The following LSAMP variants were observed in gnomAD, a reference collection of about 807,000 sequenced individuals.
LSAMP encodes limbic system associated membrane protein, also known as limbic system-associated membrane protein.
LSAMP carries 7 observed loss-of-function variants against 38.6 expected under a neutral mutation model. The ratio of observed to expected loss-of-function variants is 0.18; its 90% confidence interval spans 0.10 to 0.34. The LOEUF is 0.34. Ranked by LOEUF, LSAMP falls within the 10% of genes least tolerant of loss-of-function variation. The pLI, the probability that LSAMP is intolerant of heterozygous loss-of-function variation, is 1.00. For missense variants in LSAMP, 313 were observed against 420.0 expected (o/e 0.75, Z 2.23); for synonymous variants, 154 against 166.8 (o/e 0.92, Z 0.59).
chr3:115,912,168 T>C (rs1409630708), intron 3 of LSAMP, among the ~76,000 whole-genome samples: 1 of 152,304 alleles, frequency 6.6e-6, no homozygotes, highest in East Asian at 1.9e-4. Flanking sequence ...ATGAAGTCAA[T>C]TTATTGACTT....
chr3:116,354,931 AC>A (rs1383001237), intron 1 of LSAMP, among the ~76,000 whole-genome samples: 1 of 151,808 alleles, frequency 6.6e-6, no homozygotes, highest in Non-Finnish European at 1.5e-5. Context: ...ACTGAGATGA[AC>A]ACAACATGTA....
intron 3 of LSAMP, among the ~76,000 whole-genome samples, chr3:115,947,975 A>G (rs1938156722): frequency 6.6e-6 from 1 of 152,238 alleles, no homozygotes; most frequent in Non-Finnish European, 1.5e-5. Flanking sequence ...ACTCAGAAAT[A>G]AAGTACATCT....
chr3:116,376,169 T>C (rs753479383), intron 1 of LSAMP, among the ~76,000 whole-genome samples: 2 of 152,046 alleles, frequency 1.3e-5, no homozygotes, highest in Non-Finnish European at 2.9e-5. Context: ...TTGAGTCTTA[T>C]CAATTCCTTA....
intron 3 of LSAMP, among the ~76,000 whole-genome samples, chr3:115,927,919 C>A (rs1432485837): frequency 6.6e-6 from 1 of 152,188 alleles, no homozygotes; most frequent in Admixed American, 6.5e-5. Context: ...TTTTTCATTT[C>A]TCCAAGGAAT....
intron 1 of LSAMP, among the ~76,000 whole-genome samples, chr3:116,192,154 C>G (rs1423397217): frequency 6.6e-6 from 1 of 152,184 alleles, no homozygotes; most frequent in African/African-American, 2.4e-5. Context: ...TTCATGGGAA[C>G]AGATGTCATT....
At chr3:116,246,977 AT>A (rs1219048793) in intron 1 of LSAMP, among the ~76,000 whole-genome samples, 2 of 152,074 alleles carry the variant, frequency 1.3e-5, no homozygotes, top group Non-Finnish European at 2.9e-5. Flanking sequence ...TCCATCCCCG[AT>A]TTTTTTGTGA....
intron 1 of LSAMP, among the ~76,000 whole-genome samples, chr3:116,311,416 T>A (rs2047555785): frequency 6.6e-6 from 1 of 152,236 alleles, no homozygotes; most frequent in African/African-American, 2.4e-5. Context: ...TCCATGTTTT[T>A]AATAAATTCT....
intron 1 of LSAMP, among the ~76,000 whole-genome samples, chr3:116,211,513 A>G (rs2046156500): frequency 6.6e-6 from 1 of 152,178 alleles, no homozygotes; most frequent in Non-Finnish European, 1.5e-5. Flanking sequence ...AATAACCAAG[A>G]CTCTATTAAG....
chr3:116,108,696 C>T (rs1421204737), intron 1 of LSAMP, among the ~76,000 whole-genome samples: 1 of 152,182 alleles, frequency 6.6e-6, no homozygotes, highest in Non-Finnish European at 1.5e-5. Context: ...TAGTGGGGTC[C>T]CGCAGAGATG....
At chr3:116,125,872 T>C (rs1708997229) in intron 1 of LSAMP, among the ~76,000 whole-genome samples, 2 of 152,166 alleles carry the variant, frequency 1.3e-5, no homozygotes, top group African/African-American at 4.8e-5. Flanking sequence ...TAGATTAAGA[T>C]TTGTGGTTGT....
chr3:116,019,371 C>T, intron 3 of LSAMP, 144 bp downstream of exon 3: 1 of 987,494 alleles, frequency 1.0e-6, no homozygotes, highest in South Asian at 1.7e-5. Flanking sequence ...ATTTTAATAA[C>T]AAGATAGATG....
intron 1 of LSAMP, among the ~76,000 whole-genome samples, chr3:116,287,165 A>ATG (rs1049455923): frequency 6.6e-6 from 1 of 151,910 alleles, no homozygotes; most frequent in African/African-American, 2.4e-5. Flanking sequence ...GTATCTCTGT[A>ATG]TGTGTGTGTG....
intron 4 of LSAMP, among the ~76,000 whole-genome samples, chr3:115,844,680 T>G (rs1322708552): frequency 6.6e-6 from 1 of 152,134 alleles, no homozygotes; most frequent in South Asian, 2.1e-4. Flanking sequence ...CATTTCCTTA[T>G]CTATAAAATG....
rs749911876 is a variant in LSAMP at position 116,390,130 on chromosome 3, T to TACACACACACAC, written c.155+54746_155+54747insGTGTGTGTGTGT. ...TACTTAAATTATATATGTATGTATG[T>TACACACACACAC]ATACACACACACACACACACACACA... On this transcript the variant is annotated intron_variant, in intron 1 of 6. Transcript: ENST00000490035. 9.4e-3 allele frequency among the ~76,000 whole-genome samples: 1,239 copies of TACACACACACAC among 131,492 alleles called. 8 individuals carry two copies. Among genetic ancestry groups the TACACACACACAC allele is most frequent in the Middle Eastern group, 0.016 (4 of 254 alleles). 86.3% of individuals were successfully genotyped at this position (131,492 alleles called of 152,430 possible).
intron 2 of LSAMP, among the ~76,000 whole-genome samples, chr3:116,078,954 G>GCACA (rs1707811492): frequency 6.6e-6 from 1 of 152,110 alleles, no homozygotes; most frequent in Non-Finnish European, 1.5e-5. Context: ...CTACTGGGGT[G>GCACA]TCTGTGCTCC....
At chr3:116,023,439 T>TA (rs36091181) in intron 2 of LSAMP, among the ~76,000 whole-genome samples, 20,426 of 133,802 alleles carry the variant, frequency 0.15, 1,505 homozygotes, top group Non-Finnish European at 0.19. Context: ...CTAAAAATAC[T>TA]AAAAAAAAAA....
chr3:115,999,096 C>G (rs1231965932), intron 3 of LSAMP, among the ~76,000 whole-genome samples: 1 of 152,116 alleles, frequency 6.6e-6, no homozygotes, highest in Non-Finnish European at 1.5e-5. Flanking sequence ...ACTGAAAATA[C>G]AAAACAAATC....
At chr3:115,860,511 A>C (rs144293645) in intron 3 of LSAMP, among the ~76,000 whole-genome samples, 166 of 152,356 alleles carry the variant, frequency 1.1e-3, no homozygotes, top group African/African-American at 3.8e-3. Flanking sequence ...AATGCAGCTC[A>C]ATTACTGATA....
At chr3:116,088,722 T>G (rs781309263) in intron 1 of LSAMP, among the ~76,000 whole-genome samples, 4 of 152,198 alleles carry the variant, frequency 2.6e-5, no homozygotes, top group African/African-American at 4.8e-5. Flanking sequence ...TATAGATGTA[T>G]TCTGAATGCC....
Sources: allele counts gnomAD v4.1 joint callset (sites outside exome capture counted in the v4.1 genomes callset), GRCh38; gene constraint gnomAD v4.1.1; transcripts MANE v1.5; gene names NCBI Gene and HGNC (gene_info 2026-07-23, HGNC 2026-07-21).